Variants in SBF2 observed in about 807,000 individuals in gnomAD.
SBF2 encodes myotubularin-related protein 13.
A neutral mutation model predicts 225.2 loss-of-function variants in SBF2; 112 were observed. The observed-to-expected ratio is 0.50, with a 90% CI of 0.43 to 0.58. The LOEUF is 0.58. SBF2 is among the 20% of genes least tolerant of loss of function. The pLI, the probability that SBF2 is intolerant of heterozygous loss-of-function variation, is 0.00. For synonymous variants in SBF2, 763 were observed against 773.3 expected, an observed-to-expected ratio of 0.99 and a Z score of 0.22; for missense variants, 1,996 against 2,206.2, an observed-to-expected ratio of 0.90 and a Z score of 1.91.
At chr11:9,996,943 A>G (rs1455620697) in intron 9 of SBF2, among the ~76,000 whole-genome samples, 1 of 152,218 alleles carries the variant, frequency 6.6e-6, no homozygotes, top group African/African-American at 2.4e-5. Context: ...AATAATACCA[A>G]GTGGCAGAAC....
chr11:9,979,897 A>G (rs1946866910), intron 13 of SBF2, among the ~76,000 whole-genome samples: 1 of 150,538 alleles, frequency 6.6e-6, no homozygotes, highest in Non-Finnish European at 1.5e-5. Context: ...GCAGCCTCAA[A>G]CTCCTTGGCT....
chr11:9,875,988 C>G (rs1488602401), intron 17 of SBF2, among the ~76,000 whole-genome samples: 1 of 150,584 alleles, frequency 6.6e-6, no homozygotes, highest in Non-Finnish European at 1.5e-5. Flanking sequence ...TACATGGGAA[C>G]GCCAAGATAA....
intron 3 of SBF2, among the ~76,000 whole-genome samples, chr11:10,039,497 A>T (rs1376358256): frequency 6.6e-6 from 1 of 151,926 alleles, no homozygotes; most frequent in Non-Finnish European, 1.5e-5. Context: ...CTCACAACCT[A>T]TCCGCATTTT....
chr11:10,185,117 G>GT lies in SBF2; in HGVS notation c.141+8784_141+8785insA, dbSNP rs567739332. On this transcript the variant is annotated intron_variant, in intron 2 of 39. Transcript: ENST00000256190. ...AAGGCTGAATAATATTCTGGGGGGG[G>GT]GTGTGTGTGTGCGTGCACACGTGTA... Among the ~76,000 whole-genome samples the GT allele has an allele frequency of 1.1e-3, 163 of 151,388 alleles. 2 individuals are homozygous for GT. In the South Asian group the frequency reaches 0.033, roughly 31 times the overall value.
At chr11:10,100,596 C>G (rs1056283347) in intron 2 of SBF2, among the ~76,000 whole-genome samples, 5 of 152,126 alleles carry the variant, frequency 3.3e-5, no homozygotes, top group African/African-American at 1.2e-4. Flanking sequence ...ATGTCTGTAG[C>G]CTGGTCATGG....
chr11:9,867,724 G>A (rs1858350350), intron 17 of SBF2, among the ~76,000 whole-genome samples: 1 of 152,156 alleles, frequency 6.6e-6, no homozygotes, highest in South Asian at 2.1e-4. Context: ...CAGCAACATG[G>A]ATGGAACTGG....
At chr11:9,866,820 A>G (rs770379553) in intron 17 of SBF2, among the ~76,000 whole-genome samples, 5 of 152,226 alleles carry the variant, frequency 3.3e-5, no homozygotes, top group Admixed American at 6.5e-5. Flanking sequence ...AAATATTTAC[A>G]AACTATCCAT....
At chr11:10,262,132 T>C (rs1961498693) in intron 1 of SBF2, among the ~76,000 whole-genome samples, 1 of 152,128 alleles carries the variant, frequency 6.6e-6, no homozygotes, top group African/African-American at 2.4e-5. Flanking sequence ...TGCATTATGG[T>C]TAATTATATG....
At chr11:10,116,174 GA>G (rs1210264962) in intron 2 of SBF2, among the ~76,000 whole-genome samples, 1 of 151,584 alleles carries the variant, frequency 6.6e-6, no homozygotes, top group East Asian at 1.9e-4. Flanking sequence ...CTCTCAAAAA[GA>G]AAAAAAGGAA....
At position 9,787,758 on chromosome 11, in the gene SBF2, T is replaced by C. The variant is rs373502043; in HGVS notation, c.4933-20A>G. 1.2e-5 allele frequency: 19 copies of C among 1,603,418 alleles called. No homozygotes were observed. The highest frequency in any genetic ancestry group is 1.1e-4 in the East Asian group (5 of 44,826). On this transcript the variant is annotated intron_variant, in intron 35 of 39. Transcript: ENST00000256190. The stretch of plus-strand genomic sequence containing the variant: ...AATTTCCTGCAAAGAAATTAAAAGT[T>C]TTCTGATCAGTATTTCATAGAAATC...
At chr11:10,032,738 C>A (rs577156311) in intron 3 of SBF2, among the ~76,000 whole-genome samples, 38 of 152,298 alleles carry the variant, frequency 2.5e-4, no homozygotes, top group African/African-American at 9.1e-4. Context: ...CCCATAAAGG[C>A]CAGGATTTCT....
intron 1 of SBF2, among the ~76,000 whole-genome samples, chr11:10,269,548 G>C (rs1343952261): frequency 6.6e-6 from 1 of 152,090 alleles, no homozygotes; most frequent in Non-Finnish European, 1.5e-5. Context: ...ATGAAAATGT[G>C]GCACTATTAT....
intron 2 of SBF2, among the ~76,000 whole-genome samples, chr11:10,051,717 GACATAGTCTATGTT>G (rs1382636905): frequency 6.6e-6 from 1 of 151,886 alleles, no homozygotes; most frequent in Non-Finnish European, 1.5e-5. Context: ...CAGTAACATA[GACATAGTCTATGTT>G]ACACAGTTTA....
intron 2 of SBF2, among the ~76,000 whole-genome samples, chr11:10,106,659 T>A (rs1276740369): frequency 1.4e-5 from 2 of 145,710 alleles, no homozygotes; most frequent in Non-Finnish European, 3.0e-5. Context: ...ACCCACACAA[T>A]TAAAAAACTA....
intron 9 of SBF2, among the ~76,000 whole-genome samples, chr11:9,994,581 T>C (rs1416529219): frequency 4.0e-5 from 6 of 149,138 alleles, no homozygotes; most frequent in Non-Finnish European, 8.9e-5. Flanking sequence ...TATGTACATA[T>C]ATATATATAT....
intron 1 of SBF2, among the ~76,000 whole-genome samples, chr11:10,255,598 G>A (rs1960798543): frequency 6.6e-6 from 1 of 152,178 alleles, no homozygotes; most frequent in South Asian, 2.1e-4. Flanking sequence ...GGCTTTCCTA[G>A]TGCAGCTGCA....
At chr11:10,170,347 A>G (rs1025227300) in intron 2 of SBF2, among the ~76,000 whole-genome samples, 4 of 152,108 alleles carry the variant, frequency 2.6e-5, no homozygotes, top group African/African-American at 9.7e-5. Context: ...TCTGCTATGG[A>G]CATCCAGTTT....
chr11:9,803,419 G>T (rs1405819108), intron 32 of SBF2, among the ~76,000 whole-genome samples: 1 of 152,002 alleles, frequency 6.6e-6, no homozygotes, highest in Non-Finnish European at 1.5e-5. Flanking sequence ...ACCACTTAAG[G>T]GGTACTCACA....
intron 32 of SBF2, among the ~76,000 whole-genome samples, chr11:9,800,776 T>G (rs184621770): frequency 6.6e-6 from 1 of 152,150 alleles, no homozygotes. Context: ...CTTGAACTCC[T>G]GGGCTCAAGT....
Sources: allele counts gnomAD v4.1 joint callset (sites outside exome capture counted in the v4.1 genomes callset), GRCh38; gene constraint gnomAD v4.1.1; transcripts MANE v1.5; gene names NCBI Gene and HGNC (gene_info 2026-07-23, HGNC 2026-07-21).